CEP57: variants seen among roughly 807,000 people sequenced by gnomAD.
CEP57 encodes centrosomal protein of 57 kDa.
A neutral mutation model predicts 68.0 loss-of-function variants in CEP57; 40 were observed. That is an observed-to-expected ratio of 0.59 (90% CI 0.46 to 0.77). The LOEUF (loss-of-function observed/expected upper bound fraction) is 0.77, where lower values mean the gene tolerates loss of function less well. Ranked by LOEUF, CEP57 falls within the 30% of genes least tolerant of loss-of-function variation. The pLI, the probability that CEP57 is intolerant of heterozygous loss-of-function variation, is 0.00. For missense variants in CEP57, 606 were observed against 580.7 expected (o/e 1.04, Z -0.45); for synonymous variants, 219 against 198.7 (o/e 1.10, Z -0.86).
At chr11:95,790,225 T>C (rs1274847506), upstream of CEP57, 1 of 192,118 alleles carries the variant, frequency 5.2e-6, no homozygotes, top group Non-Finnish European at 1.1e-5. Context: ...CGTGGAGTGC[T>C]TTAACTTCGC....
chr11:95,807,900 T>G (rs1441162137), intron 2 of CEP57, among the ~76,000 whole-genome samples: 1 of 151,882 alleles, frequency 6.6e-6, no homozygotes, highest in Non-Finnish European at 1.5e-5. Flanking sequence ...GGAGAGCAAC[T>G]CCAAGACACA....
At chr11:95,792,745 A>G (rs1271192196) in intron 1 of CEP57, among the ~76,000 whole-genome samples, 2 of 152,220 alleles carry the variant, frequency 1.3e-5, no homozygotes, top group Non-Finnish European at 2.9e-5. Context: ...CTACATCAAA[A>G]TGTCTATTTT....
intron 8 of CEP57, among the ~76,000 whole-genome samples, chr11:95,824,310 CA>C (rs1304411906): frequency 6.6e-6 from 1 of 151,852 alleles, no homozygotes; most frequent in Non-Finnish European, 1.5e-5. Flanking sequence ...TAGCAGGTGC[CA>C]AAACCTTGTG....
chr11:95,806,979 G>A (rs1012465368), intron 2 of CEP57, among the ~76,000 whole-genome samples: 61 of 152,290 alleles, frequency 4.0e-4, no homozygotes, highest in African/African-American at 1.2e-3. Flanking sequence ...AGTAGGGGCC[G>A]ACTGACACCT....
At chr11:95,813,149 A>G in intron 3 of CEP57, 38 bp downstream of exon 3, 1 of 1,570,480 alleles carries the variant, frequency 6.4e-7, no homozygotes, top group East Asian at 2.2e-5. Flanking sequence ...TATCAAAATA[A>G]GTGTTGTGCA....
chr11:95,826,874 A>T (rs906136093), intron 8 of CEP57: 1 of 152,248 alleles, frequency 6.6e-6, no homozygotes, highest in Non-Finnish European at 1.5e-5. Context: ...TGGATGTGAT[A>T]TATAATACTG....
At chr11:95,800,300 G>C (rs1387354289) in intron 2 of CEP57, among the ~76,000 whole-genome samples, 1 of 152,114 alleles carries the variant, frequency 6.6e-6, no homozygotes, top group African/African-American at 2.4e-5. Flanking sequence ...CTTGAGGACA[G>C]TCTTTGCTCC....
intron 8 of CEP57, 161 bp from the exon 9 acceptor site, chr11:95,827,625 C>G: frequency 1.3e-6 from 1 of 796,346 alleles, no homozygotes; most frequent in Admixed American, 2.5e-5. Flanking sequence ...GGATTTATAT[C>G]AAAGGATTTC....
At chr11:95,830,622 C>G (rs965036932) in intron 10 of CEP57, among the ~76,000 whole-genome samples, 1 of 152,110 alleles carries the variant, frequency 6.6e-6, no homozygotes, top group Admixed American at 6.5e-5. Context: ...TCTTTCTCCT[C>G]TTCTCCCATT....
Position 95,818,827 on chromosome 11 carries a change from A to G in CEP57, c.622A>G (p.Lys208Glu). The change falls in exon 6 of 11, where the codon AAA (lysine) becomes GAA (glutamate). Residue 208 changes from lysine (K) to glutamate (E), a missense_variant and splice_region_variant. Physicochemically the swap from Lys to Glu is moderately conservative, Grantham distance 56. Coordinates refer to ENST00000325542, the MANE Select transcript of CEP57 (RefSeq NM_014679.5). Reference protein sequence around the residue: ...KLTTMQALAEKKMQELEAKLH... With the variant: ...KLTTMQALAEEKMQELEAKLH... ...TCCCTTTTGACATTTTTATCACTAGAAAAAAATGCAAGAGTTGGAAGCAAA... is the reference window on the plus strand; with the variant it reads ...TCCCTTTTGACATTTTTATCACTAGGAAAAAATGCAAGAGTTGGAAGCAAA... 1 of 1,612,612 alleles carries G rather than the reference A, an allele frequency of 6.2e-7. No homozygotes were observed. The highest frequency in any genetic ancestry group is 8.5e-7 in the Non-Finnish European group (1 of 1,178,776).
In CEP57 at chr11:95,831,255, G is replaced by C. The variant is rs942517920; in HGVS notation, c.1502G>C (p.Ter501SerextTer11). 6.2e-7 allele frequency: 1 copy of C among 1,605,802 alleles called. No homozygotes were observed. Among genetic ancestry groups the C allele is most frequent in the South Asian group, 1.1e-5 (1 of 90,744 alleles). Residue 501 changes from the stop codon to serine (S), a stop_lost, in exon 11 of 11, where the codon TGA (stop) becomes TCA (serine). Coordinates refer to ENST00000325542, the MANE Select transcript of CEP57 (RefSeq NM_014679.5). Reference sequence around the variant, plus strand: ...AGCAGTAGTTTGTGTTGGGATTACTGACTCATAACCAGGTCAGAAATTTTA... The same window carrying C: ...AGCAGTAGTTTGTGTTGGGATTACTCACTCATAACCAGGTCAGAAATTTTA... The part of the protein sequence containing the change: ...LQSSSLCWDY[*>S]
chr11:95,811,570 A>G (rs1021193602), intron 2 of CEP57, among the ~76,000 whole-genome samples: 1 of 151,538 alleles, frequency 6.6e-6, no homozygotes, highest in Non-Finnish European at 1.5e-5. Flanking sequence ...CCTAGAGCTT[A>G]AAGTATAATT....
At position 95,831,581 on chromosome 11, in the gene CEP57, T is replaced by C. The variant is rs1349791464; in HGVS notation, c.*325T>C. 1.8e-5 allele frequency: 3 copies of C among 169,860 alleles called. No homozygotes were observed. The highest frequency in any genetic ancestry group is 3.8e-5 in the Non-Finnish European group (3 of 79,208). 10.5% of individuals were successfully genotyped at this position (169,860 alleles called of 1,614,324 possible). On this transcript the variant is annotated 3_prime_UTR_variant, in exon 11 of 11. Coordinates refer to ENST00000325542, the MANE Select transcript of CEP57 (RefSeq NM_014679.5). ...TGTGATTTTTTAAAATAGTTCTTTA[T>C]ATATAATTAAAATTAGGTTTAAATT...
At chr11:95,818,001 G>T in intron 5 of CEP57, 98 bp downstream of exon 5, 1 of 762,008 alleles carries the variant, frequency 1.3e-6, no homozygotes, top group South Asian at 1.5e-5. Context: ...CATTAAAAGT[G>T]ATCTTATAAT....
chr11:95,807,871 C>A (rs920406480), intron 2 of CEP57, among the ~76,000 whole-genome samples: 2 of 152,060 alleles, frequency 1.3e-5, no homozygotes, highest in African/African-American at 4.8e-5. Flanking sequence ...ACAGATAATG[C>A]CACAAAGATA....
intron 1 of CEP57, among the ~76,000 whole-genome samples, chr11:95,792,430 T>C (rs1339724955): frequency 6.6e-6 from 1 of 152,120 alleles, no homozygotes; most frequent in East Asian, 1.9e-4. Context: ...AAGTGAGGTA[T>C]GATAGTGCCA....
At chr11:95,794,800 T>C (rs1460541349) in intron 1 of CEP57, among the ~76,000 whole-genome samples, 1 of 152,252 alleles carries the variant, frequency 6.6e-6, no homozygotes, top group Non-Finnish European at 1.5e-5. Context: ...TTTTTCCTAC[T>C]TATTTTAAAG....
In CEP57 at chr11:95,810,470, A is replaced by G. The variant is rs200789568; in HGVS notation, c.203-2462A>G. ...GAAAACCCTATCGTCTCAGCCCAAAATCTCCTCAAGTTGATAAGCAACTTC... is the reference window on the plus strand; with the variant it reads ...GAAAACCCTATCGTCTCAGCCCAAAGTCTCCTCAAGTTGATAAGCAACTTC... On this transcript the variant is annotated intron_variant, in intron 2 of 10. Transcript: ENST00000325542. Among the ~76,000 whole-genome samples, 15 of 152,330 alleles carry G rather than the reference A, an allele frequency of 9.8e-5. No individual in the cohort carries two copies. In the East Asian group the frequency reaches 2.7e-3, roughly 27 times the overall value.
chr11:95,822,824 A>T, intron 8 of CEP57: 1 of 488,496 alleles, frequency 2.0e-6, no homozygotes, highest in Non-Finnish European at 3.8e-6. Flanking sequence ...AGAGACCCTA[A>T]GTTGAAGAAG....
Sources: gnomAD v4.1 joint callset for allele counts (sites outside exome capture counted in the v4.1 genomes callset) on GRCh38, gnomAD v4.1.1 for gene constraint, MANE v1.5 for transcripts, NCBI Gene and HGNC (gene_info 2026-07-23, HGNC 2026-07-21) for gene names.